The following KLHL5 variants were observed in gnomAD, a reference collection of about 807,000 sequenced individuals.
KLHL5 encodes kelch like family member 5.
A neutral mutation model predicts 77.7 loss-of-function variants in KLHL5; 48 were observed. That is an observed-to-expected ratio of 0.62 (90% CI 0.49 to 0.79). The LOEUF (loss-of-function observed/expected upper bound fraction) is 0.79, where lower values mean the gene tolerates loss of function less well. Among genes scored for constraint, KLHL5 ranks in the 30% least tolerant of loss-of-function variants. KLHL5 has a pLI of 0.00. For missense variants in KLHL5, 723 were observed against 859.7 expected, an observed-to-expected ratio of 0.84 and a Z score of 1.99; for synonymous variants, 260 against 297.0, an observed-to-expected ratio of 0.88 and a Z score of 1.28.
At chr4:39,130,109 G>A (rs1412540733), downstream of KLHL5, among the ~76,000 whole-genome samples, 1 of 152,166 alleles carries the variant, frequency 6.6e-6, no homozygotes, top group Non-Finnish European at 1.5e-5. Context: ...CATATACGCA[G>A]AAATATAGAG....
intron 1 of KLHL5, among the ~76,000 whole-genome samples, chr4:39,072,524 A>G (rs1172623427): frequency 6.6e-6 from 1 of 152,160 alleles, no homozygotes; most frequent in Non-Finnish European, 1.5e-5. Flanking sequence ...GTACTGTCCA[A>G]TTTGGTAGCC....
chr4:39,089,866 TCCA>T (rs1205287053), intron 5 of KLHL5, among the ~76,000 whole-genome samples: 1 of 152,232 alleles, frequency 6.6e-6, no homozygotes, highest in Middle Eastern at 3.2e-3. Context: ...AGAACCATTA[TCCA>T]CCACAAGTAG....
At chr4:39,118,932 T>C (rs1440998597) in intron 10 of KLHL5, among the ~76,000 whole-genome samples, 1 of 152,112 alleles carries the variant, frequency 6.6e-6, no homozygotes, top group East Asian at 1.9e-4. Flanking sequence ...GTGAGATCAC[T>C]TGATGGAGGG....
Position 39,062,272 on chromosome 4 carries a change from G to C in KLHL5, c.-381G>C, listed in dbSNP as rs569036923. 7.6e-7 allele frequency: 1 copy of C among 1,318,340 alleles called. No individual in the cohort carries two copies. Among genetic ancestry groups the C allele is most frequent in the South Asian group, 1.9e-5 (1 of 52,888 alleles). The allele number at this position is 1,318,340 out of a possible 1,614,324, so 81.7% of individuals were successfully genotyped here. A position where few individuals can be genotyped will look rare whatever the true frequency, so the allele number is the denominator to read the frequency against. On this transcript the variant is annotated 5_prime_UTR_variant, in exon 1 of 11. Coordinates refer to ENST00000504108, the MANE Select transcript of KLHL5 (RefSeq NM_015990.5). ...GTGTTTTCTGTCTCTGTCATTTGTG[G>C]TTTAAGAAAAAGGGGGTGGTGTTCT...
chr4:39,071,924 A>G (rs1366693873), intron 1 of KLHL5, among the ~76,000 whole-genome samples: 1 of 152,218 alleles, frequency 6.6e-6, no homozygotes, highest in Non-Finnish European at 1.5e-5. Flanking sequence ...ATTTAGTGGT[A>G]TCATATAAGC....
intron 9 of KLHL5, among the ~76,000 whole-genome samples, chr4:39,113,456 G>A (rs1722606166): frequency 6.6e-6 from 1 of 152,186 alleles, no homozygotes; most frequent in Non-Finnish European, 1.5e-5. Context: ...TATTTTATAT[G>A]GGATATTGGA....
intron 1 of KLHL5, among the ~76,000 whole-genome samples, chr4:39,046,576 C>G (rs1362126237): frequency 6.6e-6 from 1 of 151,876 alleles, no homozygotes; most frequent in Non-Finnish European, 1.5e-5. Context: ...TAGTGAGACC[C>G]CTGCTTGAAA....
At chr4:39,057,778 T>C (rs964207121), upstream of KLHL5, among the ~76,000 whole-genome samples, 1 of 152,166 alleles carries the variant, frequency 6.6e-6, no homozygotes, top group Non-Finnish European at 1.5e-5. Context: ...AGAAATAGAT[T>C]TATTAAAATT....
At chr4:39,093,290 T>G in intron 5 of KLHL5, 1 of 430,780 alleles carries the variant, frequency 2.3e-6, no homozygotes, top group South Asian at 1.7e-5. Context: ...GTATATGAAA[T>G]GTCCAGCAAA....
At chr4:39,049,545 G>A (rs186673390) in intron 1 of KLHL5, among the ~76,000 whole-genome samples, 63 of 151,868 alleles carry the variant, frequency 4.1e-4, no homozygotes, top group African/African-American at 1.5e-3. Flanking sequence ...AAATTAGCTG[G>A]GTGTAGTGGC....
chr4:39,127,405 CA>C (rs1251570820), downstream of KLHL5, among the ~76,000 whole-genome samples: 3 of 151,728 alleles, frequency 2.0e-5, no homozygotes, highest in African/African-American at 7.3e-5. Flanking sequence ...AAAGGAAAAA[CA>C]AAAAGGACGT....
Position 39,113,144 on chromosome 4 carries a change from A to G in KLHL5, c.1813A>G (p.Thr605Ala), listed in dbSNP as rs1340181106. The G allele has an allele frequency of 3.7e-6, 6 of 1,614,092 alleles. No individual in the cohort carries two copies. The African/African-American group carries it at 8.0e-5, about 22-fold the overall frequency. ...AAAAAGGAGAGGTGGCGTAGGAGTGACGACCTGGAATGGACTGCTGTATGC... is the reference window on the plus strand; with the variant it reads ...AAAAAGGAGAGGTGGCGTAGGAGTGGCGACCTGGAATGGACTGCTGTATGC... The part of the protein sequence containing the change: ...MSKRRGGVGV[T>A]TWNGLLYAIG... The change falls in exon 9 of 11, where the codon ACG becomes GCG. Residue 605 changes from threonine to alanine, a missense_variant. Around this residue, in one of 3 missense-constraint regions of KLHL5, gnomAD observed 214 missense variants for 237.4 expected, o/e 0.90. Transcript: ENST00000504108.
chr4:39,086,537 G>A lies in KLHL5; in HGVS notation c.923G>A (p.Arg308Lys). 6.2e-7 allele frequency: 1 copy of A among 1,613,796 alleles called. No homozygotes were observed. The highest frequency in any genetic ancestry group is 1.1e-5 in the South Asian group (1 of 91,080). ...TAGGAGCATTTCATGGAAGTAATCA[G>A]AAACCAGGAATTTGTATTATTACCA... ...YTMEHFMEVI[R>K]NQEFVLLPAS... The change falls in exon 5 of 11, where the codon AGA becomes AAA. Residue 308 changes from arginine (R) to lysine (K), a missense_variant. Around this residue, in one of 3 missense-constraint regions of KLHL5, gnomAD observed 288 missense variants for 400.3 expected, o/e 0.72. Transcript: ENST00000504108.
chr4:39,077,611 G>A (rs1267828542), intron 2 of KLHL5, among the ~76,000 whole-genome samples: 2 of 151,258 alleles, frequency 1.3e-5, no homozygotes, highest in Admixed American at 6.6e-5. Flanking sequence ...GTGAAAAGGG[G>A]ACACTTTTAC....
upstream of KLHL5, among the ~76,000 whole-genome samples, chr4:39,060,738 TTGATCAG>T (rs1297556399): frequency 2.6e-5 from 4 of 152,186 alleles, no homozygotes; most frequent in Non-Finnish European, 4.4e-5. Context: ...TAGAAGGATG[TTGATCAG>T]AAGGAGTCTG....
At chr4:39,072,868 G>A (rs772027358) in intron 1 of KLHL5, among the ~76,000 whole-genome samples, 14 of 152,150 alleles carry the variant, frequency 9.2e-5, no homozygotes, top group Non-Finnish European at 1.6e-4. Context: ...ACAAGTTCTC[G>A]TGTGCCATTG....
chr4:39,111,888 G>A (rs527627194), intron 8 of KLHL5, among the ~76,000 whole-genome samples: 2 of 152,194 alleles, frequency 1.3e-5, no homozygotes, highest in South Asian at 4.1e-4. Context: ...GAAATCTGTG[G>A]TTAAGTATGT....
chr4:39,095,199 A>G lies in KLHL5; in HGVS notation c.1114-1493A>G, dbSNP rs186859063. On this transcript the variant is annotated intron_variant, in intron 5 of 10. Coordinates refer to ENST00000504108, the MANE Select transcript of KLHL5 (RefSeq NM_015990.5). ...AGAAAAAAGTACAAATGGTCAAAAT[A>G]TTTTAAAATGCTTATATTCACTTAT... 1.1e-3 allele frequency among the ~76,000 whole-genome samples: 167 copies of G among 152,332 alleles called. 1 individual carries two copies. In the East Asian group the frequency reaches 0.021, roughly 19 times the overall value.
Position 39,081,984 on chromosome 4 carries a change from A to G in KLHL5, c.725A>G (p.Asp242Gly). Residue 242 changes from aspartate (D) to glycine (G), a missense_variant, in exon 4 of 11, where the codon GAT (aspartate) becomes GGT (glycine). Around this residue, in one of 3 missense-constraint regions of KLHL5, gnomAD observed 288 missense variants for 400.3 expected, o/e 0.72. Coordinates refer to ENST00000504108, the MANE Select transcript of KLHL5 (RefSeq NM_015990.5). The surrounding 1 kb of genome is among the most constrained non-coding windows in gnomAD (Gnocchi z 4.3). ...TAAGGCCGCCTTGAATTAAAAGAAGATAATATTGAGTGCCTGTTATCTACA... is the reference window on the plus strand; with the variant it reads ...TAAGGCCGCCTTGAATTAAAAGAAGGTAATATTGAGTGCCTGTTATCTACA... ...AYTGRLELKE[D>G]NIECLLSTAC... The G allele has an allele frequency of 1.9e-6, 3 of 1,601,286 alleles. No homozygotes were observed. The highest frequency in any genetic ancestry group is 1.7e-6 in the Non-Finnish European group (2 of 1,175,666).
Sources: gnomAD v4.1 joint callset for allele counts (sites outside exome capture counted in the v4.1 genomes callset) on GRCh38, gnomAD v4.1.1 for gene constraint, gnomAD v4.1.1 regional missense constraint, Gnocchi (gnomAD v3.1) non-coding constraint, MANE v1.5 for transcripts, NCBI Gene and HGNC (gene_info 2026-07-23, HGNC 2026-07-21) for gene names.